The following CLVS1 variants were observed in gnomAD, a reference collection of about 807,000 sequenced individuals.
CLVS1 encodes the protein clavesin-1.
CLVS1 carries 10 observed loss-of-function variants against 33.1 expected under a neutral mutation model. The observed-to-expected ratio is 0.30, with a 90% confidence interval of 0.19 to 0.51. The LOEUF is 0.51. Ranked by LOEUF, CLVS1 falls within the 20% of genes least tolerant of loss-of-function variation. CLVS1 has a pLI of 0.97. For missense variants in CLVS1, 343 were observed against 433.4 expected (o/e 0.79, Z 1.85); for synonymous variants, 163 against 166.1 (o/e 0.98, Z 0.14).
chr8:61,077,637 G>A (rs1414517428), intron 1 of CLVS1, among the ~76,000 whole-genome samples: 1 of 152,066 alleles, frequency 6.6e-6, no homozygotes, highest in Non-Finnish European at 1.5e-5. Context: ...TACTATGCTT[G>A]GCTAATTTTT....
At chr8:61,074,064 A>T (rs865871777) in intron 1 of CLVS1, among the ~76,000 whole-genome samples, 2 of 146,648 alleles carry the variant, frequency 1.4e-5, no homozygotes, top group African/African-American at 5.0e-5. Flanking sequence ...AAGGCCAGGC[A>T]TGGTGGCTCA....
intron 2 of CLVS1, among the ~76,000 whole-genome samples, chr8:61,326,871 A>C (rs909222980): frequency 1.3e-5 from 2 of 152,194 alleles, no homozygotes; most frequent in African/African-American, 4.8e-5. Context: ...TTTTCTTCTG[A>C]TGATGTAGGA....
intron 5 of CLVS1, among the ~76,000 whole-genome samples, chr8:61,479,969 C>T (rs924746399): frequency 4.6e-5 from 7 of 152,116 alleles, no homozygotes; most frequent in African/African-American, 9.7e-5. Flanking sequence ...AGTACCCGGC[C>T]GTGTGACGTG....
chr8:61,059,499 T>TATATATATATATATAC (rs1265187479), intron 1 of CLVS1, among the ~76,000 whole-genome samples: 1,743 of 96,126 alleles, frequency 0.018, 42 homozygotes, highest in East Asian at 0.046. Flanking sequence ...TATATATATA[T>TATATATATATATATAC]ACACATATCT....
At chr8:61,392,334 G>GA (rs112096872) in intron 3 of CLVS1, among the ~76,000 whole-genome samples, 2,980 of 145,150 alleles carry the variant, frequency 0.021, 69 homozygotes, top group African/African-American at 0.068. Context: ...CCCATCTCAG[G>GA]AAAAAAAAAA....
the CLVS1 span, among the ~76,000 whole-genome samples, chr8:60,983,644 C>A: frequency 6.6e-6 from 1 of 152,184 alleles, no homozygotes; most frequent in African/African-American, 2.4e-5. Flanking sequence ...GAGGGAGCAT[C>A]AAGGTTTATG....
intron 1 of CLVS1, among the ~76,000 whole-genome samples, chr8:61,100,716 A>T (rs892315918): frequency 4.6e-5 from 7 of 152,110 alleles, no homozygotes; most frequent in African/African-American, 1.7e-4. Context: ...CATCGTTCCC[A>T]ATCCACTAGG....
the CLVS1 span, among the ~76,000 whole-genome samples, chr8:61,018,725 C>T: frequency 6.6e-6 from 1 of 152,232 alleles, no homozygotes; most frequent in Middle Eastern, 3.2e-3. Context: ...GATCAGGCGG[C>T]ATCTCAGCAA....
chr8:61,406,891 G>A (rs1368262859), intron 3 of CLVS1, among the ~76,000 whole-genome samples: 2 of 152,140 alleles, frequency 1.3e-5, no homozygotes, highest in African/African-American at 2.4e-5. Context: ...TTACAGGTGC[G>A]AGCTGCCGCG....
intron 1 of CLVS1, among the ~76,000 whole-genome samples, chr8:61,113,772 G>C (rs1805670266): frequency 6.6e-6 from 1 of 152,162 alleles, no homozygotes; most frequent in African/African-American, 2.4e-5. Flanking sequence ...GCCAGGTGTG[G>C]TGAGTGTGTG....
intron 3 of CLVS1, among the ~76,000 whole-genome samples, chr8:61,399,314 T>G (rs1814658694): frequency 6.6e-6 from 1 of 152,230 alleles, no homozygotes; most frequent in Admixed American, 6.5e-5. Context: ...TTTCATGTGT[T>G]TGTTGGCCAC....
intron 5 of CLVS1, among the ~76,000 whole-genome samples, chr8:61,461,252 A>G (rs193018160): frequency 1.9e-3 from 290 of 152,348 alleles, no homozygotes; most frequent in African/African-American, 6.7e-3. Flanking sequence ...CCAATTGGAA[A>G]CTGCTGATTT....
At position 61,239,721 on chromosome 8, in the gene CLVS1, AG is replaced by A. The variant is rs528455371; in HGVS notation, c.-151-59953del. ...CACTGCACTCCAGCCTGGGCAACAG[AG>A]GGAGACCCTGTCTCAAAAAGTAATT... On this transcript the variant is annotated intron_variant, in intron 2 of 2. Transcript: ENST00000522621. Among the ~76,000 whole-genome samples, 653 of 152,344 alleles carry A rather than the reference AG, an allele frequency of 4.3e-3. 4 individuals carry two copies. Among genetic ancestry groups the A allele is most frequent in the Middle Eastern group, 0.024 (7 of 294 alleles).
intron 2 of CLVS1, among the ~76,000 whole-genome samples, chr8:61,223,609 C>G (rs1181071526): frequency 6.6e-6 from 1 of 152,128 alleles, no homozygotes; most frequent in East Asian, 1.9e-4. Flanking sequence ...CTGCTCTTAA[C>G]ATTTTTTCCT....
chr8:61,120,931 C>T (rs1207722432), intron 1 of CLVS1, among the ~76,000 whole-genome samples: 1 of 148,872 alleles, frequency 6.7e-6, no homozygotes, highest in African/African-American at 2.5e-5. Context: ...GCTTTGTTTA[C>T]CTAAGCAAGC....
At chr8:61,086,355 G>A (rs1805127838) in intron 1 of CLVS1, among the ~76,000 whole-genome samples, 1 of 152,104 alleles carries the variant, frequency 6.6e-6, no homozygotes, top group South Asian at 2.1e-4. Context: ...GACTAAGGTT[G>A]CCAGATTTAG....
intron 3 of CLVS1, chr8:61,378,463 A>G (rs1047380370): frequency 2.0e-5 from 3 of 152,268 alleles, no homozygotes; most frequent in East Asian, 1.9e-4. Context: ...GGGAAATACT[A>G]GAAGACCTTT....
At chr8:61,135,110 G>A (rs1329664389) in intron 2 of CLVS1, among the ~76,000 whole-genome samples, 2 of 151,714 alleles carry the variant, frequency 1.3e-5, no homozygotes, top group African/African-American at 4.8e-5. Context: ...ACAGTTCAAG[G>A]AAAGTATCTG....
At chr8:61,460,964 G>A (rs1263243080) in intron 5 of CLVS1, among the ~76,000 whole-genome samples, 2 of 152,194 alleles carry the variant, frequency 1.3e-5, no homozygotes, top group South Asian at 2.1e-4. Context: ...TTCTGCTCTT[G>A]TCTGTTCCTG....
Sources: gnomAD v4.1 joint callset for allele counts (sites outside exome capture counted in the v4.1 genomes callset) on GRCh38, gnomAD v4.1.1 for gene constraint, MANE v1.5 for transcripts, NCBI Gene and HGNC (gene_info 2026-07-23, HGNC 2026-07-21) for gene names.